The following ARSG variants were observed in gnomAD, a reference collection of about 807,000 sequenced individuals.
ARSG encodes ASG.
ARSG carries 37 observed loss-of-function variants against 50.5 expected under a neutral mutation model. The observed-to-expected ratio is 0.73, with a 90% CI of 0.56 to 0.96. The LOEUF is 0.96. ARSG is among the 50% of genes least tolerant of loss of function. The pLI, the probability that ARSG is intolerant of heterozygous loss-of-function variation, is 0.00. For synonymous variants in ARSG, 225 were observed against 254.6 expected (o/e 0.88, Z 1.11); for missense variants, 629 against 675.3 (o/e 0.93, Z 0.76).
intron 1 of ARSG, among the ~76,000 whole-genome samples, chr17:68,266,341 T>C (rs2075158463): frequency 6.7e-6 from 1 of 148,822 alleles, no homozygotes; most frequent in Admixed American, 6.8e-5. Context: ...CAACATAAAA[T>C]AAAATCGTCC....
intron 2 of ARSG, among the ~76,000 whole-genome samples, chr17:68,336,906 T>G (rs73357906): frequency 0.056 from 8,447 of 152,072 alleles, 494 homozygotes; most frequent in African/African-American, 0.14. Context: ...GAAAAATATT[T>G]GTACTAGTGT....
chr17:68,407,237 T>A (rs2081769124), intron 11 of ARSG, among the ~76,000 whole-genome samples: 1 of 152,224 alleles, frequency 6.6e-6, no homozygotes, highest in Non-Finnish European at 1.5e-5. Context: ...ATGTGCCTAT[T>A]TTTATACCAG....
intron 1 of ARSG, among the ~76,000 whole-genome samples, chr17:68,292,236 G>A (rs1276237799): frequency 6.6e-6 from 1 of 152,150 alleles, no homozygotes; most frequent in Admixed American, 6.5e-5. Context: ...GGGCGCGCGC[G>A]CACCCTCCAG....
chr17:68,347,031 G>A (rs1049197507), intron 3 of ARSG, 94 bp from the exon 4 acceptor site: 11 of 1,578,526 alleles, frequency 7.0e-6, no homozygotes, highest in South Asian at 2.2e-5. Flanking sequence ...GCGAGGCGAA[G>A]CTAATGGAGA....
chr17:68,429,533 T>C, the ARSG span, among the ~76,000 whole-genome samples: 97 of 152,308 alleles, frequency 6.4e-4, no homozygotes, highest in African/African-American at 2.2e-3. Flanking sequence ...GAATCCGTAT[T>C]GAAGTCAGAT....
intron 10 of ARSG, among the ~76,000 whole-genome samples, chr17:68,396,020 T>C (rs1325101119): frequency 6.6e-6 from 1 of 151,240 alleles, no homozygotes; most frequent in African/African-American, 2.4e-5. Context: ...TTTTTGTTTT[T>C]TTTTTTGAGA....
intron 1 of ARSG, among the ~76,000 whole-genome samples, chr17:68,266,615 A>G (rs7214078): frequency 0.62 from 93,383 of 150,938 alleles, 29,791 homozygotes; most frequent in East Asian, 0.76. Context: ...TTTGAAGCCA[A>G]CCTGGCCAAC....
intron 9 of ARSG, 22 bp from the exon 10 acceptor site, chr17:68,395,051 C>T (rs1197361838): frequency 1.2e-6 from 2 of 1,613,110 alleles, no homozygotes; most frequent in African/African-American, 1.3e-5. Context: ...CTGGGGACAA[C>T]TCAGTCTTGT....
rs926530321 is a variant in ARSG, at chr17:68,399,588, A to C, written c.1213-1772A>C. On this transcript the variant is annotated intron_variant, in intron 10 of 11. Transcript: ENST00000621439. This position sits in a 1 kb window ranked among gnomAD's most constrained non-coding sequence, Gnocchi z 4.6. The stretch of plus-strand genomic sequence containing the variant: ...TAATGGGTCTTCTCAAACAAACAAA[A>C]AAAATGCATAGACAAGTTCTCCAAA... Among the ~76,000 whole-genome samples, 9 of 152,184 alleles carry C rather than the reference A, an allele frequency of 5.9e-5. No homozygotes were observed. Among genetic ancestry groups the C allele is most frequent in the Admixed American group, 3.3e-4 (5 of 15,280 alleles).
At chr17:68,325,109 G>C (rs1307070509) in intron 2 of ARSG, among the ~76,000 whole-genome samples, 2 of 152,176 alleles carry the variant, frequency 1.3e-5, no homozygotes, top group Non-Finnish European at 2.9e-5. Flanking sequence ...CCCTACAGCA[G>C]GAGGTGAGCG....
At chr17:68,276,891 A>G (rs2075541384) in intron 1 of ARSG, among the ~76,000 whole-genome samples, 2 of 152,236 alleles carry the variant, frequency 1.3e-5, no homozygotes, top group Non-Finnish European at 2.9e-5. Context: ...GAAGATTAGT[A>G]TGTTAAAAAT....
rs935137752 is a variant in ARSG, at chr17:68,335,059, C to A, written c.219-8545C>A. Among the ~76,000 whole-genome samples, 3 of 152,124 alleles carry A rather than the reference C, an allele frequency of 2.0e-5. No individual in the cohort carries two copies. In the East Asian group the frequency reaches 5.8e-4, roughly 29 times the overall value. On this transcript the variant is annotated intron_variant, in intron 2 of 11. Coordinates refer to ENST00000621439, the MANE Select transcript of ARSG (RefSeq NM_001267727.2). ...TCACCCAGGTTGGAGTGCAGTGGTGCGATCATGATTCACTGCAGCCTCTAA... is the reference window on the plus strand; with the variant it reads ...TCACCCAGGTTGGAGTGCAGTGGTGAGATCATGATTCACTGCAGCCTCTAA...
chr17:68,278,705 G>A lies in ARSG; in HGVS notation c.-552+19279G>A, dbSNP rs9897209. On this transcript the variant is annotated intron_variant, in intron 1 of 11. Transcript: ENST00000448504. ...TGTGATCTTGGCTCACTGAAATCTC[G>A]GCCTCCCGGGTTCAAGTGATTCTCC... Among the ~76,000 whole-genome samples the A allele has an allele frequency of 8.1e-3, 1,196 of 147,738 alleles. 17 individuals carry two copies. Among genetic ancestry groups the A allele is most frequent in the African/African-American group, 0.029 (1,155 of 40,084 alleles).
chr17:68,396,014 T>A (rs201780068), intron 10 of ARSG, among the ~76,000 whole-genome samples: 1 of 117,478 alleles, frequency 8.5e-6, no homozygotes, highest in African/African-American at 2.7e-5. Context: ...TTTTTTTTTT[T>A]GTTTTTTTTT....
At position 68,291,546 on chromosome 17, in the gene ARSG, G is replaced by T. The variant is rs1447680880; in HGVS notation, c.-574G>T. On this transcript the variant is annotated 5_prime_UTR_variant, in exon 1 of 12. Coordinates refer to ENST00000621439, the MANE Select transcript of ARSG (RefSeq NM_001267727.2). Reference sequence around the variant, plus strand: ...CCGGTCGCGCGCCCGCCAGCCTGCCGCCTGGGCTGGGGGTCACGAAAGGTA... The same window carrying T: ...CCGGTCGCGCGCCCGCCAGCCTGCCTCCTGGGCTGGGGGTCACGAAAGGTA... The T allele has an allele frequency of 1.3e-5, 2 of 150,478 alleles. No homozygotes were observed. The highest frequency in any genetic ancestry group is 4.9e-5 in the African/African-American group (2 of 41,042). The allele number at this position is 150,478 out of a possible 1,614,324, so 9.3% of individuals were successfully genotyped here. A position where few individuals can be genotyped will look rare whatever the true frequency, so the allele number is the denominator to read the frequency against.
chr17:68,395,413 C>T (rs1038155831), intron 10 of ARSG, among the ~76,000 whole-genome samples: 8 of 152,352 alleles, frequency 5.3e-5, no homozygotes, highest in Admixed American at 1.3e-4. Context: ...GATGGTGAAA[C>T]CTCACCTATA....
intron 2 of ARSG, among the ~76,000 whole-genome samples, chr17:68,319,549 T>C (rs1443165117): frequency 6.6e-6 from 1 of 152,196 alleles, no homozygotes. Flanking sequence ...AACTGAAATA[T>C]TAACCAGTGG....
intron 11 of ARSG, chr17:68,414,220 C>T (rs778837871): frequency 1.3e-5 from 2 of 152,194 alleles, no homozygotes; most frequent in African/African-American, 4.8e-5. Flanking sequence ...GAGTTTTAAT[C>T]ATAAAGCGAT....
At chr17:68,325,243 T>G (rs782704888) in intron 2 of ARSG, among the ~76,000 whole-genome samples, 2 of 152,052 alleles carry the variant, frequency 1.3e-5, no homozygotes, top group Non-Finnish European at 2.9e-5. Context: ...AGCCCTATTG[T>G]GAACTGCCCA....
Sources: gnomAD v4.1 joint callset for allele counts (sites outside exome capture counted in the v4.1 genomes callset) on GRCh38, gnomAD v4.1.1 for gene constraint, Gnocchi (gnomAD v3.1) non-coding constraint, MANE v1.5 for transcripts, NCBI Gene and HGNC (gene_info 2026-07-23, HGNC 2026-07-21) for gene names.